Variants in LINGO1 observed in about 807,000 individuals in gnomAD.
LINGO1 encodes the protein leucine-rich repeat and immunoglobulin-like domain-containing nogo receptor-interacting protein 1.
Under a neutral mutation model 37.3 loss-of-function variants are expected in LINGO1, and 11 were observed. That is an observed-to-expected ratio of 0.29 (90% CI 0.19 to 0.49). The LOEUF (loss-of-function observed/expected upper bound fraction) is 0.49, where lower values mean the gene tolerates loss of function less well. LINGO1 is among the 20% of genes least tolerant of loss of function. The pLI is 0.99. For missense variants in LINGO1, 585 were observed against 878.2 expected, an observed-to-expected ratio of 0.67 and a Z score of 4.22; for synonymous variants, 387 against 403.0, an observed-to-expected ratio of 0.96 and a Z score of 0.48.
intron 3 of LINGO1, chr15:77,677,082 C>T (rs2075340370): frequency 6.6e-6 from 1 of 152,354 alleles, no homozygotes; most frequent in Admixed American, 6.5e-5. Context: ...GCCTCACTCT[C>T]CCCTACCTGG....
Position 77,632,802 on chromosome 15 carries a change from AG to A in LINGO1, c.-488del, listed in dbSNP as rs1312327515. ...CTCCGCGCCCTCCGGGGCCGGGACC[AG>A]GACCCACCGCCGCCGCCGCCGCCTG... is the stretch of plus-strand genomic sequence containing the variant. On this transcript the variant is annotated 5_prime_UTR_variant, in exon 1 of 2. Transcript: ENST00000355300. This position sits in a 1 kb window ranked among gnomAD's most constrained non-coding sequence, Gnocchi z 6.0. Among the ~76,000 whole-genome samples, 1 of 145,442 alleles carries A rather than the reference AG, an allele frequency of 6.9e-6. No homozygotes were observed. The highest frequency in any genetic ancestry group is 2.0e-4 in the East Asian group (1 of 4,890).
chr15:77,714,263 T>C (rs142536478), intron 2 of LINGO1, among the ~76,000 whole-genome samples: 190 of 152,286 alleles, frequency 1.2e-3, no homozygotes, highest in Non-Finnish European at 2.3e-3. Context: ...CCCATCACCA[T>C]GGTTACCATT....
chr15:77,651,530 A>G (rs190933159), intron 3 of LINGO1: 25 of 152,364 alleles, frequency 1.6e-4, no homozygotes, highest in East Asian at 1.2e-3. Context: ...ATTTGTATCA[A>G]GTAGTGGCTG....
rs541673568 is a variant in LINGO1 at position 77,711,886 on chromosome 15, G to T, written c.-194-20985C>A. ...TAGGCCTCTGTTCTCTCCTCTGAGGGGGGGGCACACAGCGACATTCTGCAG... is the reference window on the plus strand; with the variant it reads ...TAGGCCTCTGTTCTCTCCTCTGAGGTGGGGGCACACAGCGACATTCTGCAG... On this transcript the variant is annotated intron_variant, in intron 2 of 3. Coordinates refer to the LINGO1 transcript ENST00000561686. Among the ~76,000 whole-genome samples the T allele has an allele frequency of 8.5e-3, 1,286 of 150,862 alleles. 28 individuals are homozygous for T. The highest frequency in any genetic ancestry group is 0.03 in the African/African-American group (1,233 of 41,376).
intron 1 of LINGO1, among the ~76,000 whole-genome samples, chr15:77,617,062 C>T (rs1426763068): frequency 1.3e-5 from 2 of 152,128 alleles, no homozygotes; most frequent in Admixed American, 6.5e-5. Flanking sequence ...ACTACAGCAC[C>T]GAGGCTTGTT....
chr15:77,730,088 G>T (rs893747651), intron 2 of LINGO1, among the ~76,000 whole-genome samples: 1 of 151,930 alleles, frequency 6.6e-6, no homozygotes, highest in Non-Finnish European at 1.5e-5. Flanking sequence ...GGGGGAGTAG[G>T]GGGAAGGCTG....
At chr15:77,742,547 G>C (rs2076274791) in intron 1 of LINGO1, among the ~76,000 whole-genome samples, 1 of 152,204 alleles carries the variant, frequency 6.6e-6, no homozygotes, top group African/African-American at 2.4e-5. Flanking sequence ...CCAGATCTGG[G>C]TAAATCCAAA....
intron 3 of LINGO1, among the ~76,000 whole-genome samples, chr15:77,674,881 A>C (rs2075304770): frequency 6.6e-6 from 1 of 151,776 alleles, no homozygotes; most frequent in African/African-American, 2.4e-5. Context: ...ATATTTCGTG[A>C]GTTTTGTTCA....
At chr15:77,749,096 C>T (rs1199471030) in intron 1 of LINGO1, among the ~76,000 whole-genome samples, 7 of 151,666 alleles carry the variant, frequency 4.6e-5, no homozygotes, top group Non-Finnish European at 2.9e-5. Flanking sequence ...TTAGTAGAGA[C>T]GGGGTTTCGT....
intron 2 of LINGO1, among the ~76,000 whole-genome samples, chr15:77,722,101 G>A (rs970170920): frequency 2.6e-5 from 4 of 152,168 alleles, no homozygotes; most frequent in South Asian, 2.1e-4. Flanking sequence ...ATTTCACCCC[G>A]ACATGCTGCA....
chr15:77,793,547 C>T (rs1327407043), intron 2 of LINGO1, among the ~76,000 whole-genome samples: 3 of 152,196 alleles, frequency 2.0e-5, no homozygotes, highest in African/African-American at 7.2e-5. Context: ...CCTACCCTGC[C>T]ACCCTAAACT....
intron 1 of LINGO1, among the ~76,000 whole-genome samples, chr15:77,739,958 T>C (rs187919746): frequency 9.7e-4 from 147 of 152,310 alleles, no homozygotes; most frequent in African/African-American, 3.4e-3. Flanking sequence ...TCAGCCAGTG[T>C]TTATGGAGCA....
intron 2 of LINGO1, among the ~76,000 whole-genome samples, chr15:77,733,592 T>A (rs890530456): frequency 1.3e-5 from 2 of 151,790 alleles, no homozygotes; most frequent in African/African-American, 4.8e-5. Context: ...CAAGACCAAA[T>A]CCTACCTCGC....
chr15:77,796,291 C>A (rs907588168), intron 1 of LINGO1, among the ~76,000 whole-genome samples: 1 of 152,112 alleles, frequency 6.6e-6, no homozygotes, highest in Non-Finnish European at 1.5e-5. Context: ...TGTGCATGCC[C>A]ACATGTGCGT....
At position 77,632,271 on chromosome 15, in the gene LINGO1, GC is replaced by G; in HGVS notation, c.6+38del. ...GGCCCCCAGGGGCACTCGCCGCGGG[GC>G]TGCCCGCTCGGGGCTCGGCCGCGGC... On this transcript the variant is annotated intron_variant, in intron 1 of 1. Coordinates refer to ENST00000355300, the MANE Select transcript of LINGO1 (RefSeq NM_032808.7). The surrounding 1 kb of genome is among the most constrained non-coding windows in gnomAD (Gnocchi z 6.0). The G allele has an allele frequency of 7.2e-7, 1 of 1,392,466 alleles. No individual in the cohort carries two copies. The highest frequency in any genetic ancestry group is 9.3e-7 in the Non-Finnish European group (1 of 1,075,378). The allele number at this position is 1,392,466 out of a possible 1,614,324, so 86.3% of individuals were successfully genotyped here.
intron 2 of LINGO1, among the ~76,000 whole-genome samples, chr15:77,703,561 C>T (rs1000874646): frequency 3.3e-5 from 5 of 152,174 alleles, no homozygotes; most frequent in Admixed American, 6.5e-5. Context: ...ATCTTCCCAC[C>T]ACTTCCTGGA....
intron 1 of LINGO1, among the ~76,000 whole-genome samples, chr15:77,814,636 G>A (rs554979544): frequency 2.0e-5 from 3 of 152,246 alleles, no homozygotes; most frequent in East Asian, 1.9e-4. Context: ...CATCATCCCC[G>A]CATGACACCC....
chr15:77,659,461 T>A (rs2074939834), intron 3 of LINGO1, among the ~76,000 whole-genome samples: 1 of 152,174 alleles, frequency 6.6e-6, no homozygotes, highest in Non-Finnish European at 1.5e-5. Flanking sequence ...ACTCTTTCGG[T>A]TCCCACTTTG....
intron 2 of LINGO1, among the ~76,000 whole-genome samples, chr15:77,720,999 A>T (rs923907373): frequency 6.6e-6 from 1 of 151,976 alleles, no homozygotes; most frequent in Non-Finnish European, 1.5e-5. Flanking sequence ...GGGGAACAAC[A>T]GAGAGCCAGA....
Sources: gnomAD v4.1 joint callset for allele counts (sites outside exome capture counted in the v4.1 genomes callset) on GRCh38, gnomAD v4.1.1 for gene constraint, Gnocchi (gnomAD v3.1) non-coding constraint, MANE v1.5 for transcripts, NCBI Gene and HGNC (gene_info 2026-07-23, HGNC 2026-07-21) for gene names.